TECPR2: variants seen among roughly 807,000 people sequenced by gnomAD.
TECPR2 encodes the protein tectonin beta-propeller repeat-containing protein 2.
Under a neutral mutation model 138.1 loss-of-function variants are expected in TECPR2, and 65 were observed. The observed-to-expected ratio is 0.47, with a 90% CI of 0.39 to 0.58. The LOEUF is 0.58. TECPR2 is among the 20% of genes least tolerant of loss of function. The pLI, the probability that TECPR2 is intolerant of heterozygous loss-of-function variation, is 0.00. For missense variants in TECPR2, 1,553 were observed against 1,824.5 expected (o/e 0.85, Z 2.71); for synonymous variants, 746 against 749.8 (o/e 0.99, Z 0.08).
intron 17 of TECPR2, among the ~76,000 whole-genome samples, chr14:102,471,100 A>C (rs1404518349): frequency 6.6e-6 from 1 of 152,034 alleles, no homozygotes; most frequent in Non-Finnish European, 1.5e-5. Context: ...TACAGACGTG[A>C]GTCACTGTGC....
chr14:102,405,455 G>A (rs1888633463), intron 2 of TECPR2, among the ~76,000 whole-genome samples: 1 of 152,126 alleles, frequency 6.6e-6, no homozygotes, highest in Non-Finnish European at 1.5e-5. Flanking sequence ...ATTAGGGCAT[G>A]CATGTCAAAA....
intron 5 of TECPR2, among the ~76,000 whole-genome samples, chr14:102,417,886 G>A (rs960156059): frequency 6.6e-6 from 1 of 150,594 alleles, no homozygotes; most frequent in Non-Finnish European, 1.5e-5. Context: ...AGGCTGGCAC[G>A]GGAGTCCAGG....
chr14:102,449,612 T>A lies in TECPR2; in HGVS notation c.3076-17T>A. The A allele has an allele frequency of 1.9e-6, 3 of 1,612,558 alleles. No homozygotes were observed. The highest frequency in any genetic ancestry group is 2.5e-6 in the Non-Finnish European group (3 of 1,178,892). On this transcript the variant is annotated splice_polypyrimidine_tract_variant and intron_variant, in intron 13 of 19. Transcript: ENST00000359520. ...ACTGCTCTGACAGCAGGGCTTTTGC[T>A]TGTCTCCTCCTTCCAGGTGAGCATC...
intron 2 of TECPR2, among the ~76,000 whole-genome samples, chr14:102,389,048 T>G (rs1269368243): frequency 1.3e-5 from 2 of 151,922 alleles, no homozygotes; most frequent in Non-Finnish European, 2.9e-5. Context: ...GAGAATTGCT[T>G]GAACCTGGGA....
chr14:102,403,416 AT>A (rs1407910346), intron 2 of TECPR2, among the ~76,000 whole-genome samples: 17 of 152,222 alleles, frequency 1.1e-4, no homozygotes, highest in Admixed American at 3.3e-4. Flanking sequence ...ACAGTGAACA[AT>A]TATACTTAAT....
chr14:102,389,272 G>A (rs1204990146), intron 2 of TECPR2, among the ~76,000 whole-genome samples: 1 of 152,194 alleles, frequency 6.6e-6, no homozygotes, highest in African/African-American at 2.4e-5. Flanking sequence ...GTTGCAGTGA[G>A]CCGAGATTAT....
At chr14:102,481,540 G>A (rs1186475634) in intron 17 of TECPR2, among the ~76,000 whole-genome samples, 1 of 152,164 alleles carries the variant, frequency 6.6e-6, no homozygotes, top group Non-Finnish European at 1.5e-5. Context: ...TGGGTGGGAG[G>A]ATCACTGGAG....
At chr14:102,390,049 C>G (rs1888123769) in intron 2 of TECPR2, among the ~76,000 whole-genome samples, 1 of 152,146 alleles carries the variant, frequency 6.6e-6, no homozygotes. Flanking sequence ...TATTTCAGAT[C>G]AATTCTTTGG....
Position 102,497,705 on chromosome 14 carries a change from T to C in TECPR2, c.4067T>C (p.Val1356Ala). The C allele has an allele frequency of 6.2e-7, 1 of 1,606,282 alleles. No homozygotes were observed. The highest frequency in any genetic ancestry group is 8.5e-7 in the Non-Finnish European group (1 of 1,175,878). The change falls in exon 19 of 20, where the codon GTG becomes GCG. Residue 1356 changes from valine (V) to alanine (A), a missense_variant. Val to Ala is a moderately conservative substitution (Grantham distance 64, BLOSUM62 0). Coordinates refer to ENST00000359520, the MANE Select transcript of TECPR2 (RefSeq NM_014844.5). ...TACTGGAAGAAAATTCCCGGCAGCG[T>C]GTCGTGTTTCACAGGCAGGTGCCCG... The part of the protein sequence containing the change: ...GDYWKKIPGS[V>A]SCFTVTASDE...
intron 16 of TECPR2, among the ~76,000 whole-genome samples, chr14:102,455,122 G>A (rs1890245103): frequency 6.6e-6 from 1 of 152,182 alleles, no homozygotes; most frequent in African/African-American, 2.4e-5. Context: ...ACAGGAACAA[G>A]TCCATCCTGA....
rs1248789904 is a variant in TECPR2, at chr14:102,497,952, G to T, written c.4082-151G>T. On this transcript the variant is annotated intron_variant, in intron 19 of 19. Transcript: ENST00000359520. The stretch of plus-strand genomic sequence containing the variant: ...TGTTGACATCCACTTACAGCTGAGG[G>T]TACGAAGTTCACATGGAGATGGTGG... 23 of 1,157,950 alleles carry T rather than the reference G, an allele frequency of 2.0e-5. 1 individual carries two copies. In the Admixed American group the frequency reaches 5.3e-4, roughly 27 times the overall value. The allele number at this position is 1,157,950 out of a possible 1,614,324, so 71.7% of individuals were successfully genotyped here.
At chr14:102,413,881 C>T (rs1158640232) in intron 4 of TECPR2, among the ~76,000 whole-genome samples, 1 of 151,972 alleles carries the variant, frequency 6.6e-6, no homozygotes, top group Admixed American at 6.6e-5. Flanking sequence ...TCACTGTAAC[C>T]TGAACTCCTG....
chr14:102,405,720 G>A (rs1411098393), intron 2 of TECPR2, among the ~76,000 whole-genome samples: 1 of 152,176 alleles, frequency 6.6e-6, no homozygotes. Context: ...AGAGATGTTT[G>A]TACACTCATA....
chr14:102,458,031 G>A (rs189164183), intron 16 of TECPR2, among the ~76,000 whole-genome samples: 1 of 151,900 alleles, frequency 6.6e-6, no homozygotes, highest in East Asian at 1.9e-4. Context: ...GTGCCACCCC[G>A]CCCAGCTAAT....
intron 10 of TECPR2, among the ~76,000 whole-genome samples, chr14:102,438,863 C>CTTTTT (rs1238082552): frequency 7.8e-6 from 1 of 128,654 alleles, no homozygotes; most frequent in Non-Finnish European, 1.7e-5. Flanking sequence ...TTCTTTCTTT[C>CTTTTT]TTTTTTTTTT....
intron 2 of TECPR2, among the ~76,000 whole-genome samples, chr14:102,378,420 T>C (rs1460612287): frequency 6.6e-6 from 1 of 152,162 alleles, no homozygotes; most frequent in Admixed American, 6.5e-5. Flanking sequence ...TATTTTTTCC[T>C]TCTCACTATG....
In TECPR2 at chr14:102,501,104, C is replaced by T. The variant is rs1176690596; in HGVS notation, c.*2847C>T. 3 of 152,040 alleles carry T rather than the reference C, an allele frequency of 2.0e-5. No individual in the cohort carries two copies. Among genetic ancestry groups the T allele is most frequent in the Admixed American group, 2.0e-4 (3 of 15,258 alleles). 9.4% of individuals were successfully genotyped at this position (152,040 alleles called of 1,614,324 possible). On this transcript the variant is annotated 3_prime_UTR_variant, in exon 20 of 20. Transcript: ENST00000359520. The stretch of plus-strand genomic sequence containing the variant: ...TATTGAATGGCATGGCCCAGACCCT[C>T]GGAGGGCCAGGCAACAGGCTAGCAA...
chr14:102,382,411 T>G (rs1887861348), intron 2 of TECPR2, among the ~76,000 whole-genome samples: 1 of 152,198 alleles, frequency 6.6e-6, no homozygotes, highest in Admixed American at 6.5e-5. Flanking sequence ...TATATGTCCC[T>G]TAACAACATA....
chr14:102,470,776 G>T (rs1487624498), intron 17 of TECPR2, among the ~76,000 whole-genome samples: 1 of 149,876 alleles, frequency 6.7e-6, no homozygotes, highest in African/African-American at 2.5e-5. Context: ...AGTAACTGGG[G>T]TTACAGGCGT....
Sources: gnomAD v4.1 joint callset for allele counts (sites outside exome capture counted in the v4.1 genomes callset) on GRCh38, gnomAD v4.1.1 for gene constraint, MANE v1.5 for transcripts, NCBI Gene and HGNC (gene_info 2026-07-23, HGNC 2026-07-21) for gene names.